SLC24A2: variants seen among roughly 807,000 people sequenced by gnomAD.
SLC24A2 encodes sodium/potassium/calcium exchanger 2.
Under a neutral mutation model 62.0 loss-of-function variants are expected in SLC24A2, and 36 were observed. The ratio of observed to expected loss-of-function variants is 0.58; its 90% confidence interval spans 0.44 to 0.77. SLC24A2 has a LOEUF of 0.77. Among genes scored for constraint, SLC24A2 ranks in the 30% least tolerant of loss-of-function variants. The pLI is 0.00. For synonymous variants in SLC24A2, 358 were observed against 294.0 expected (o/e 1.22, Z -2.23); for missense variants, 846 against 817.9 (o/e 1.03, Z -0.42).
At chr9:20,080,342 T>A in the SLC24A2 span, among the ~76,000 whole-genome samples, 2 of 152,212 alleles carry the variant, frequency 1.3e-5, no homozygotes, top group Non-Finnish European at 2.9e-5. Context: ...AACTATCTGA[T>A]CTTTGACAAA....
chr9:19,546,070 T>C (rs1834551477), intron 8 of SLC24A2, among the ~76,000 whole-genome samples: 1 of 152,216 alleles, frequency 6.6e-6, no homozygotes, highest in South Asian at 2.1e-4. Flanking sequence ...TTGTTTCCTC[T>C]GGAACCTTTG....
intron 7 of SLC24A2, among the ~76,000 whole-genome samples, chr9:19,552,170 G>T (rs1834877129): frequency 6.6e-6 from 1 of 152,026 alleles, no homozygotes; most frequent in Admixed American, 6.6e-5. Context: ...CATCCTGAGG[G>T]CTCCCATCTT....
chr9:19,786,887 T>A lies in SLC24A2; in HGVS notation c.-21A>T, dbSNP rs765610081. Reference sequence around the variant, plus strand: ...TCCATCCTGGGTCTTCTGGTGGATATGGTGATCTTCCAACTTTAGACTCAA... The same window carrying A: ...TCCATCCTGGGTCTTCTGGTGGATAAGGTGATCTTCCAACTTTAGACTCAA... On this transcript the variant is annotated 5_prime_UTR_variant, in exon 2 of 11. Transcript: ENST00000341998. This position sits in a 1 kb window ranked among gnomAD's most constrained non-coding sequence, Gnocchi z 5.0. 9.3e-6 allele frequency: 15 copies of A among 1,604,290 alleles called. No homozygotes were observed. The South Asian group carries it at 1.6e-4, about 18-fold the overall frequency.
chr9:19,978,582 GA>G, the SLC24A2 span, among the ~76,000 whole-genome samples: 1 of 151,864 alleles, frequency 6.6e-6, no homozygotes, highest in Non-Finnish European at 1.5e-5. Context: ...TTCAAGGAAA[GA>G]AAAGGGTATT....
chr9:19,658,280 A>AG (rs5896854), intron 2 of SLC24A2, among the ~76,000 whole-genome samples: 152,351 of 152,370 alleles, frequency 1, 76,166 homozygotes, highest in Middle Eastern at 1. Context: ...CAGGTTGATA[A>AG]GTGGTGGTGG....
the SLC24A2 span, among the ~76,000 whole-genome samples, chr9:20,219,271 G>T: frequency 6.6e-6 from 1 of 152,150 alleles, no homozygotes; most frequent in South Asian, 2.1e-4. Context: ...GCAGGCAGAT[G>T]CTGACAGTAT....
intron 2 of SLC24A2, among the ~76,000 whole-genome samples, chr9:19,693,189 G>A (rs1450436232): frequency 6.6e-6 from 1 of 152,060 alleles, no homozygotes; most frequent in Non-Finnish European, 1.5e-5. Context: ...ATGTTGGTGT[G>A]CATATACCCA....
chr9:19,903,749 T>C, the SLC24A2 span, among the ~76,000 whole-genome samples: 2 of 152,180 alleles, frequency 1.3e-5, no homozygotes, highest in Non-Finnish European at 2.9e-5. Context: ...GAAGGAGTCC[T>C]ACACGAGACC....
At chr9:20,223,112 G>A in the SLC24A2 span, among the ~76,000 whole-genome samples, 1 of 151,874 alleles carries the variant, frequency 6.6e-6, no homozygotes, top group Admixed American at 6.6e-5. Flanking sequence ...ATAACCACAT[G>A]GAAATGTAAT....
the SLC24A2 span, among the ~76,000 whole-genome samples, chr9:19,904,950 G>A: frequency 6.6e-5 from 10 of 152,160 alleles, no homozygotes; most frequent in African/African-American, 2.2e-4. Flanking sequence ...ATTAATCTTA[G>A]AGGAAGAGAG....
the SLC24A2 span, among the ~76,000 whole-genome samples, chr9:19,924,845 C>A: frequency 2.0e-5 from 3 of 152,140 alleles, no homozygotes; most frequent in Non-Finnish European, 4.4e-5. Context: ...CTATTGTTTG[C>A]CCCATAATTA....
In SLC24A2 at chr9:19,513,484, G is replaced by C. The variant is rs1832808233; in HGVS notation, c.*2669C>G. The stretch of plus-strand genomic sequence containing the variant: ...AGGCTCAGTGCACATGACTGATGTG[G>C]GAACGGGGCTTGGAAATTTTGTCTT... On this transcript the variant is annotated 3_prime_UTR_variant, in exon 11 of 11. Transcript: ENST00000341998. The C allele has an allele frequency of 6.6e-6, 1 of 152,058 alleles. No homozygotes were observed. The highest frequency in any genetic ancestry group is 1.5e-5 in the Non-Finnish European group (1 of 68,038). 9.4% of individuals were successfully genotyped at this position (152,058 alleles called of 1,614,324 possible).
At chr9:19,735,164 GA>G (rs566405081) in intron 2 of SLC24A2, among the ~76,000 whole-genome samples, 21 of 147,254 alleles carry the variant, frequency 1.4e-4, no homozygotes, top group Middle Eastern at 3.4e-3. Flanking sequence ...AAATTTACAG[GA>G]AAAAAAAAAC....
chr9:19,626,879 TAC>T (rs1818048193), intron 2 of SLC24A2, among the ~76,000 whole-genome samples: 1 of 152,164 alleles, frequency 6.6e-6, no homozygotes, highest in African/African-American at 2.4e-5. Context: ...GAAGACTAGA[TAC>T]AAGGTGCAAA....
chr9:20,177,283 T>A, the SLC24A2 span, among the ~76,000 whole-genome samples: 1 of 152,176 alleles, frequency 6.6e-6, no homozygotes, highest in Non-Finnish European at 1.5e-5. Flanking sequence ...TCCTGATTTC[T>A]GATTTTAAAA....
At chr9:20,194,265 G>C in the SLC24A2 span, among the ~76,000 whole-genome samples, 2 of 152,062 alleles carry the variant, frequency 1.3e-5, no homozygotes, top group South Asian at 4.2e-4. Flanking sequence ...CTTCTGTATG[G>C]AAGAAAGAAG....
chr9:20,125,694 G>T, the SLC24A2 span, among the ~76,000 whole-genome samples: 1 of 152,074 alleles, frequency 6.6e-6, no homozygotes, highest in Non-Finnish European at 1.5e-5. Flanking sequence ...GTTTATTTGG[G>T]GCTCCAGAGC....
chr9:19,932,583 G>A, the SLC24A2 span, among the ~76,000 whole-genome samples: 4 of 152,144 alleles, frequency 2.6e-5, no homozygotes, highest in East Asian at 5.8e-4. Flanking sequence ...GGTGACTCAC[G>A]GTTATGAGAA....
the SLC24A2 span, among the ~76,000 whole-genome samples, chr9:20,074,317 C>G: frequency 6.6e-6 from 1 of 151,922 alleles, no homozygotes; most frequent in African/African-American, 2.4e-5. Flanking sequence ...CACTAATACT[C>G]TGTTCTCATT....
Sources: allele counts gnomAD v4.1 joint callset (sites outside exome capture counted in the v4.1 genomes callset), GRCh38; gene constraint gnomAD v4.1.1; non-coding constraint Gnocchi (gnomAD v3.1); transcripts MANE v1.5; gene names NCBI Gene and HGNC (gene_info 2026-07-23, HGNC 2026-07-21).